Variants in XXYLT1 observed in about 807,000 individuals in gnomAD.
XXYLT1 encodes xyloside xylosyltransferase 1.
XXYLT1 carries 20 observed loss-of-function variants against 28.9 expected under a neutral mutation model. That is an observed-to-expected ratio of 0.69 (90% confidence interval 0.49 to 1.00). The LOEUF (loss-of-function observed/expected upper bound fraction) is 1.00, where lower values mean the gene tolerates loss of function less well. Ranked by LOEUF, XXYLT1 falls within the 50% of genes least tolerant of loss-of-function variation. The pLI is 0.00. For missense variants in XXYLT1, 542 were observed against 560.1 expected, an observed-to-expected ratio of 0.97 and a Z score of 0.33; for synonymous variants, 257 against 253.8, an observed-to-expected ratio of 1.01 and a Z score of -0.12.
chr3:195,251,354 C>T (rs958224108), intron 1 of XXYLT1, among the ~76,000 whole-genome samples: 1 of 152,256 alleles, frequency 6.6e-6, no homozygotes, highest in Non-Finnish European at 1.5e-5. Context: ...GAAGGCGGGG[C>T]CCAGCCAGGT....
chr3:195,211,046 C>T (rs1011339673), intron 2 of XXYLT1, among the ~76,000 whole-genome samples: 3 of 152,172 alleles, frequency 2.0e-5, no homozygotes, highest in Admixed American at 2.0e-4. Context: ...CCACTGGATT[C>T]ACCAGAAGCT....
intron 1 of XXYLT1, among the ~76,000 whole-genome samples, chr3:195,236,848 C>A (rs1724569213): frequency 6.6e-6 from 1 of 152,148 alleles, no homozygotes; most frequent in Non-Finnish European, 1.5e-5. Context: ...CCCTTCAGGG[C>A]AGTAGGCTCC....
intron 3 of XXYLT1, among the ~76,000 whole-genome samples, chr3:195,138,859 A>G (rs1421357757): frequency 7.3e-5 from 5 of 68,634 alleles, no homozygotes; most frequent in African/African-American, 2.6e-4. Flanking sequence ...TGCCTCAGGA[A>G]AAAAAAAAAA....
Position 195,173,291 on chromosome 3 carries a change from C to T in XXYLT1, c.653-16710G>A, listed in dbSNP as rs1035405780. On this transcript the variant is annotated intron_variant, in intron 2 of 3. Transcript: ENST00000310380. The surrounding 1 kb of genome is among the most constrained non-coding windows in gnomAD (Gnocchi z 4.3). ...AAAGACAGAGAGTGTAGCTGCTACT[C>T]CTCAAGGAAAGAAAATACCAGGAAG... Among the ~76,000 whole-genome samples the T allele has an allele frequency of 1.3e-5, 2 of 152,180 alleles. No individual in the cohort carries two copies.
rs1560085352 is a variant in XXYLT1, at chr3:195,084,187, C to T, written c.786-14076G>A. Reference sequence around the variant, plus strand: ...CGGGCTTTGGTTCTCTGGGAAGGTCCGGCTGGTAAGGCAGAAAAGCAGAAA... The same window carrying T: ...CGGGCTTTGGTTCTCTGGGAAGGTCTGGCTGGTAAGGCAGAAAAGCAGAAA... On this transcript the variant is annotated intron_variant, in intron 3 of 3. Coordinates refer to ENST00000310380, the MANE Select transcript of XXYLT1 (RefSeq NM_152531.5). Among the ~76,000 whole-genome samples the T allele has an allele frequency of 6.6e-5, 10 of 152,252 alleles. 1 individual carries two copies. In the South Asian group the frequency reaches 2.1e-3, roughly 32 times the overall value.
chr3:195,267,416 C>G (rs1725878397), intron 1 of XXYLT1, among the ~76,000 whole-genome samples: 1 of 152,250 alleles, frequency 6.6e-6, no homozygotes, highest in Non-Finnish European at 1.5e-5. Flanking sequence ...GGTCCAGCCA[C>G]AACTGAGTAA....
Position 195,069,771 on chromosome 3 carries a change from C to A in XXYLT1, c.1126G>T (p.Glu376Ter). ...CCGTGGTAGATCTTGACGTGGCCCT[C>A]ACACCTGAAATAGGCCTCGAAGACG... ...SDVFEAYFRC[E>*]GHVKIYHGNC... Residue 376 changes from glutamate to a stop codon, truncating the protein, a stop_gained, in exon 4 of 4, where the codon GAG becomes TAG. Coordinates refer to ENST00000310380, the MANE Select transcript of XXYLT1 (RefSeq NM_152531.5). LOFTEE classifies it high-confidence loss of function. 6.2e-7 allele frequency: 1 copy of A among 1,614,086 alleles called. No individual in the cohort carries two copies. Among genetic ancestry groups the A allele is most frequent in the Non-Finnish European group, 8.5e-7 (1 of 1,180,012 alleles).
At chr3:195,108,977 A>G (rs1717302795) in intron 3 of XXYLT1, among the ~76,000 whole-genome samples, 1 of 152,218 alleles carries the variant, frequency 6.6e-6, no homozygotes, top group Non-Finnish European at 1.5e-5. Context: ...ACTACTTCAG[A>G]GCTTTACCTG....
intron 1 of XXYLT1, among the ~76,000 whole-genome samples, chr3:195,269,735 T>A (rs967053521): frequency 6.6e-6 from 1 of 152,210 alleles, no homozygotes; most frequent in African/African-American, 2.4e-5. Context: ...CTCCTTAAAA[T>A]CTGGCCTCGG....
intron 3 of XXYLT1, among the ~76,000 whole-genome samples, chr3:195,109,784 G>A (rs1577037196): frequency 1.6e-5 from 1 of 61,820 alleles, no homozygotes; most frequent in African/African-American, 4.7e-5. Flanking sequence ...TGTGTGTGGT[G>A]TATGTGTGGT....
At chr3:195,171,181 C>T (rs1280238922) in intron 2 of XXYLT1, among the ~76,000 whole-genome samples, 5 of 152,210 alleles carry the variant, frequency 3.3e-5, no homozygotes, top group African/African-American at 7.2e-5. Flanking sequence ...CTGGACCGCA[C>T]GCTTCGGGAA....
chr3:195,208,164 C>A (rs1263328489), intron 2 of XXYLT1, among the ~76,000 whole-genome samples: 1 of 152,228 alleles, frequency 6.6e-6, no homozygotes, highest in Non-Finnish European at 1.5e-5. Flanking sequence ...CCACCACATA[C>A]CCCAACAGAG....
At chr3:195,171,147 A>G (rs989603368) in intron 2 of XXYLT1, among the ~76,000 whole-genome samples, 1 of 152,234 alleles carries the variant, frequency 6.6e-6, no homozygotes, top group African/African-American at 2.4e-5. Context: ...CTGAGTTAAC[A>G]GCCAGCAAAG....
chr3:195,232,668 T>C (rs543369044), intron 1 of XXYLT1, among the ~76,000 whole-genome samples: 1 of 152,330 alleles, frequency 6.6e-6, no homozygotes, highest in South Asian at 2.1e-4. Flanking sequence ...TATTGTTCAG[T>C]TTCCATGTGT....
At chr3:195,112,564 G>C (rs74969949) in intron 3 of XXYLT1, among the ~76,000 whole-genome samples, 2 of 145,994 alleles carry the variant, frequency 1.4e-5, no homozygotes, top group Admixed American at 6.8e-5. Context: ...GCTAGATGAA[G>C]CAGTGCACAC....
At chr3:195,153,344 C>T (rs567516874) in intron 3 of XXYLT1, among the ~76,000 whole-genome samples, 179 of 152,320 alleles carry the variant, frequency 1.2e-3, no homozygotes, top group Non-Finnish European at 2.1e-3. Context: ...AGACTGCAAA[C>T]GTTACAAGGC....
At chr3:195,166,962 C>T (rs1162875810) in intron 2 of XXYLT1, among the ~76,000 whole-genome samples, 1 of 152,158 alleles carries the variant, frequency 6.6e-6, no homozygotes, top group African/African-American at 2.4e-5. Flanking sequence ...CAGGCGTGAG[C>T]CACCGCGCCC....
In XXYLT1 at chr3:195,240,580, C is replaced by T. The variant is rs1390292960; in HGVS notation, c.505-13724G>A. Among the ~76,000 whole-genome samples, 2 of 152,272 alleles carry T rather than the reference C, an allele frequency of 1.3e-5. No homozygotes were observed. Among genetic ancestry groups the T allele is most frequent in the East Asian group, 1.9e-4 (1 of 5,206 alleles). Reference sequence around the variant, plus strand: ...ACGCACGGAAAGATGCCAGGTTTCCCGGAAATCCCAAGGCCTGTTTGAAGA... The same window carrying T: ...ACGCACGGAAAGATGCCAGGTTTCCTGGAAATCCCAAGGCCTGTTTGAAGA... On this transcript the variant is annotated intron_variant, in intron 1 of 3. Coordinates refer to ENST00000310380, the MANE Select transcript of XXYLT1 (RefSeq NM_152531.5). The surrounding 1 kb of genome is among the most constrained non-coding windows in gnomAD (Gnocchi z 4.7).
At chr3:195,220,177 T>C (rs1723759118) in intron 2 of XXYLT1, among the ~76,000 whole-genome samples, 1 of 152,144 alleles carries the variant, frequency 6.6e-6, no homozygotes, top group Non-Finnish European at 1.5e-5. Flanking sequence ...TCTATTACAC[T>C]GTTACCCCGG....
Sources: gnomAD v4.1 joint callset for allele counts (sites outside exome capture counted in the v4.1 genomes callset) on GRCh38, gnomAD v4.1.1 for gene constraint, Gnocchi (gnomAD v3.1) non-coding constraint, MANE v1.5 for transcripts, NCBI Gene and HGNC (gene_info 2026-07-23, HGNC 2026-07-21) for gene names.